Variants in SPATA16 observed in about 807,000 individuals in gnomAD.
SPATA16 encodes the protein spermatogenesis associated 16, also known as spermatogenesis-associated protein 16.
In SPATA16, 36 loss-of-function variants were observed where a neutral mutation model predicts 63.3. The ratio of observed to expected loss-of-function variants is 0.57; its 90% CI spans 0.44 to 0.75. SPATA16 has a LOEUF of 0.75. SPATA16 is among the 30% of genes least tolerant of loss of function. The probability of loss-of-function intolerance (pLI) is 0.00; values close to 1 mark genes in which losing one functional copy is unlikely to be tolerated. For synonymous variants in SPATA16, 203 were observed against 216.7 expected (o/e 0.94, Z 0.56); for missense variants, 646 against 679.3 (o/e 0.95, Z 0.54).
At chr3:173,112,436 G>C (rs1409393379) in intron 2 of SPATA16, among the ~76,000 whole-genome samples, 1 of 152,176 alleles carries the variant, frequency 6.6e-6, no homozygotes, top group Non-Finnish European at 1.5e-5. Context: ...CACACTTAGA[G>C]TAGCAGAGGC....
chr3:173,126,776 T>A (rs1254674825), intron 1 of SPATA16, among the ~76,000 whole-genome samples: 1 of 152,228 alleles, frequency 6.6e-6, no homozygotes. Flanking sequence ...AAATCAGTGC[T>A]TTTAACCACA....
chr3:172,947,378 A>G (rs1284934932), intron 6 of SPATA16, among the ~76,000 whole-genome samples: 1 of 151,936 alleles, frequency 6.6e-6, no homozygotes, highest in African/African-American at 2.4e-5. Context: ...TCACCAAACA[A>G]TCTACATAAG....
At chr3:172,999,426 C>G (rs1000780015) in intron 4 of SPATA16, among the ~76,000 whole-genome samples, 2 of 140,246 alleles carry the variant, frequency 1.4e-5, no homozygotes, top group African/African-American at 5.2e-5. Context: ...TTTCTTTTTT[C>G]TTTCTGAGGC....
chr3:172,892,543 A>T (rs918197843), intron 10 of SPATA16, among the ~76,000 whole-genome samples: 1 of 152,204 alleles, frequency 6.6e-6, no homozygotes, highest in Non-Finnish European at 1.5e-5. Flanking sequence ...AAAGTAAGTC[A>T]ATTTTAGCTT....
intron 2 of SPATA16, 53 bp downstream of exon 2, chr3:173,117,067 C>T: frequency 6.4e-7 from 1 of 1,567,094 alleles, no homozygotes; most frequent in South Asian, 1.1e-5. Flanking sequence ...GTAATTGCAA[C>T]TTTCCATTTC....
intron 4 of SPATA16, among the ~76,000 whole-genome samples, chr3:173,000,404 C>T (rs1192684112): frequency 1.3e-5 from 2 of 152,170 alleles, no homozygotes; most frequent in Non-Finnish European, 2.9e-5. Flanking sequence ...CTGCTCTCTT[C>T]TTGCTTGCAT....
chr3:172,949,703 C>T (rs75220166), intron 6 of SPATA16, among the ~76,000 whole-genome samples: 8,279 of 152,022 alleles, frequency 0.054, 761 homozygotes, highest in African/African-American at 0.19. Flanking sequence ...ATGAGTTCTG[C>T]TTGTTTGGAA....
chr3:173,105,141 T>C (rs1434122401), intron 2 of SPATA16, among the ~76,000 whole-genome samples: 2 of 152,224 alleles, frequency 1.3e-5, no homozygotes, highest in Non-Finnish European at 2.9e-5. Context: ...TACTATATAA[T>C]GAGTGCAAAG....
chr3:172,942,051 A>C (rs1393292938), intron 6 of SPATA16, among the ~76,000 whole-genome samples: 3 of 152,124 alleles, frequency 2.0e-5, no homozygotes, highest in African/African-American at 7.2e-5. Flanking sequence ...AGGGGGGAAA[A>C]GCATGTGGAC....
intron 10 of SPATA16, among the ~76,000 whole-genome samples, chr3:172,894,031 G>T (rs1255247604): frequency 6.6e-6 from 1 of 152,046 alleles, no homozygotes; most frequent in Non-Finnish European, 1.5e-5. Flanking sequence ...TAAATATCAG[G>T]TTTATATGAA....
chr3:172,992,068 A>G (rs778338887), intron 4 of SPATA16, among the ~76,000 whole-genome samples: 9 of 152,036 alleles, frequency 5.9e-5, no homozygotes, highest in Non-Finnish European at 1.0e-4. Flanking sequence ...AGTTAATGGT[A>G]TGGGCGTTAG....
At chr3:172,990,948 A>T (rs1254987725) in intron 4 of SPATA16, among the ~76,000 whole-genome samples, 1 of 152,116 alleles carries the variant, frequency 6.6e-6, no homozygotes, top group East Asian at 1.9e-4. Context: ...GAACTAAGAG[A>T]TTTAAAGGAA....
chr3:172,908,605 C>T (rs1049755307), intron 10 of SPATA16, among the ~76,000 whole-genome samples: 2 of 152,146 alleles, frequency 1.3e-5, no homozygotes, highest in African/African-American at 4.8e-5. Flanking sequence ...TTTTTATAGA[C>T]CTATAGCAAA....
At chr3:172,998,185 ATTTATTCAGTTCT>A (rs1314387255) in intron 4 of SPATA16, among the ~76,000 whole-genome samples, 1 of 152,118 alleles carries the variant, frequency 6.6e-6, no homozygotes, top group Non-Finnish European at 1.5e-5. Context: ...AGTACCTCTC[ATTTATTCAGTTCT>A]TTGATTTCTT....
intron 4 of SPATA16, among the ~76,000 whole-genome samples, chr3:173,018,385 C>T (rs575126661): frequency 4.7e-4 from 72 of 151,882 alleles, no homozygotes; most frequent in African/African-American, 1.7e-3. Flanking sequence ...AGCGATTCTC[C>T]TACCTCAACC....
intron 10 of SPATA16, among the ~76,000 whole-genome samples, chr3:172,895,369 T>C (rs1192921808): frequency 6.6e-6 from 1 of 152,244 alleles, no homozygotes; most frequent in African/African-American, 2.4e-5. Flanking sequence ...AGAGTCTTGC[T>C]GTGTCACCCA....
chr3:173,056,730 G>A (rs998589534), intron 2 of SPATA16, among the ~76,000 whole-genome samples: 2,075 of 98,338 alleles, frequency 0.021, no homozygotes, highest in African/African-American at 0.039. Context: ...AAAAAAAAAA[G>A]AAATGTGGTT....
chr3:172,912,750 T>A (rs1232163645), intron 10 of SPATA16, among the ~76,000 whole-genome samples: 1 of 152,204 alleles, frequency 6.6e-6, no homozygotes, highest in African/African-American at 2.4e-5. Context: ...ACGCTTTATG[T>A]TACCATAAGG....
intron 2 of SPATA16, among the ~76,000 whole-genome samples, chr3:173,064,416 T>A (rs993658870): frequency 6.6e-6 from 1 of 151,984 alleles, no homozygotes; most frequent in Non-Finnish European, 1.5e-5. Context: ...ATCCCAGCTT[T>A]CATGTACATT....
Sources: allele counts gnomAD v4.1 joint callset (sites outside exome capture counted in the v4.1 genomes callset), GRCh38; gene constraint gnomAD v4.1.1; transcripts MANE v1.5; gene names NCBI Gene and HGNC (gene_info 2026-07-23, HGNC 2026-07-21).